Variants in AFF3 observed in about 807,000 individuals in gnomAD.
The protein encoded by AFF3 is ALF transcription elongation factor 3.
A neutral mutation model predicts 129.7 loss-of-function variants in AFF3; 32 were observed. That is an observed-to-expected ratio of 0.25 (90% confidence interval 0.19 to 0.33). The LOEUF is 0.33. Among genes scored for constraint, AFF3 ranks in the 10% least tolerant of loss-of-function variants. The pLI, the probability that AFF3 is intolerant of heterozygous loss-of-function variation, is 1.00. For synonymous variants in AFF3, 644 were observed against 635.4 expected (o/e 1.01, Z -0.20); for missense variants, 1,373 against 1,592.0 (o/e 0.86, Z 2.34).
chr2:99,836,309 A>G (rs1219641752), intron 8 of AFF3, among the ~76,000 whole-genome samples: 1 of 152,222 alleles, frequency 6.6e-6, no homozygotes, highest in Non-Finnish European at 1.5e-5. Flanking sequence ...AAATAGGAAA[A>G]GTTATATCAG....
At chr2:99,618,438 G>A (rs186730747) in intron 13 of AFF3, among the ~76,000 whole-genome samples, 165 of 151,988 alleles carry the variant, frequency 1.1e-3, no homozygotes, top group Non-Finnish European at 1.9e-3. Context: ...GTTTTGCCAT[G>A]TTGGCCAGGC....
intron 4 of AFF3, among the ~76,000 whole-genome samples, chr2:100,096,232 C>T (rs1690280018): frequency 1.3e-5 from 2 of 151,990 alleles, no homozygotes; most frequent in Non-Finnish European, 2.9e-5. Flanking sequence ...TCTCAGCATT[C>T]GAGCCCGATA....
At chr2:99,902,430 C>T (rs1694411297) in intron 7 of AFF3, among the ~76,000 whole-genome samples, 1 of 152,156 alleles carries the variant, frequency 6.6e-6, no homozygotes, top group African/African-American at 2.4e-5. Context: ...GCACTCACTA[C>T]ATGCTTGGGC....
chr2:99,843,048 T>C (rs1689439633), intron 7 of AFF3, among the ~76,000 whole-genome samples: 1 of 152,220 alleles, frequency 6.6e-6, no homozygotes, highest in Non-Finnish European at 1.5e-5. Flanking sequence ...CCATGTACAC[T>C]CTTAAACACT....
chr2:99,985,798 T>A (rs1447669151), intron 7 of AFF3, among the ~76,000 whole-genome samples: 1 of 152,160 alleles, frequency 6.6e-6, no homozygotes, highest in Non-Finnish European at 1.5e-5. Flanking sequence ...CTCCATTTCT[T>A]CACCTGAGTG....
chr2:99,574,683 CA>C (rs1214245313), intron 18 of AFF3, among the ~76,000 whole-genome samples: 1 of 152,152 alleles, frequency 6.6e-6, no homozygotes, highest in Non-Finnish European at 1.5e-5. Flanking sequence ...ATTTATAATA[CA>C]AAGAGATGAG....
chr2:99,837,632 T>C, intron 7 of AFF3, 108 bp from the exon 8 acceptor site: 1 of 1,009,114 alleles, frequency 9.9e-7, no homozygotes, highest in Non-Finnish European at 1.5e-6. Context: ...TTCAGCGAGT[T>C]ACAGGTTGAG....
At chr2:99,567,319 C>T (rs993945643) in intron 19 of AFF3, among the ~76,000 whole-genome samples, 1 of 152,060 alleles carries the variant, frequency 6.6e-6, no homozygotes, top group Non-Finnish European at 1.5e-5. Flanking sequence ...CAGATGAAGT[C>T]ATTTCATTTA....
At chr2:99,657,349 T>C (rs1300104917) in intron 12 of AFF3, among the ~76,000 whole-genome samples, 2 of 152,336 alleles carry the variant, frequency 1.3e-5, no homozygotes, top group East Asian at 3.9e-4. Context: ...CTCCTCTCCA[T>C]GCACTCCTAG....
intron 8 of AFF3, among the ~76,000 whole-genome samples, chr2:99,782,130 T>C (rs1252240737): frequency 6.6e-6 from 1 of 152,188 alleles, no homozygotes; most frequent in East Asian, 1.9e-4. Flanking sequence ...TTCAGGCCAA[T>C]GTTTTGATTT....
At chr2:99,894,707 C>T (rs947292845) in intron 7 of AFF3, among the ~76,000 whole-genome samples, 2 of 151,982 alleles carry the variant, frequency 1.3e-5, no homozygotes, top group African/African-American at 2.4e-5. Context: ...GATCTCCTGA[C>T]CTCGTGATCC....
chr2:99,597,344 T>C lies in AFF3; in HGVS notation c.1372-3055A>G, dbSNP rs193187982. ...CAAGAACACTCCAAACAGTACTTGT[T>C]GCCCTCTGTTATACTCAATTGCGTT... is the stretch of plus-strand genomic sequence containing the variant. On this transcript the variant is annotated intron_variant, in intron 14 of 24. Coordinates refer to ENST00000672756, the MANE Select transcript of AFF3 (RefSeq NM_001386135.1). Among the ~76,000 whole-genome samples the C allele has an allele frequency of 5.2e-3, 786 of 152,386 alleles. 2 individuals are homozygous for C. Among genetic ancestry groups the C allele is most frequent in the Non-Finnish European group, 9.1e-3 (620 of 68,040 alleles).
intron 8 of AFF3, among the ~76,000 whole-genome samples, chr2:99,778,237 T>C (rs1453167320): frequency 2.0e-5 from 3 of 152,128 alleles, no homozygotes. Flanking sequence ...CTCCTCCTTC[T>C]CCTTCTCATC....
chr2:99,949,616 C>A (rs942985117), intron 7 of AFF3, among the ~76,000 whole-genome samples: 2 of 151,870 alleles, frequency 1.3e-5, no homozygotes, highest in Non-Finnish European at 2.9e-5. Context: ...GCATTAGATT[C>A]CCATAAGGAG....
intron 4 of AFF3, among the ~76,000 whole-genome samples, chr2:100,037,991 A>T (rs949684143): frequency 4.0e-5 from 6 of 151,272 alleles, no homozygotes; most frequent in African/African-American, 1.5e-4. Context: ...ATCTCTGCAG[A>T]CTCTGAAATG....
rs561907385 is a variant in AFF3, at chr2:99,649,601, A to T, written c.1184+25T>A. The stretch of plus-strand genomic sequence containing the variant: ...CTCAATGTTTCATAAAGCAATTTAT[A>T]GTTCATAAAAATGACAAAATGTACC... On this transcript the variant is annotated intron_variant, in intron 13 of 24. Transcript: ENST00000672756. 2.5e-6 allele frequency: 4 copies of T among 1,611,200 alleles called. No individual in the cohort carries two copies. In the East Asian group the frequency reaches 8.9e-5, roughly 36 times the overall value.
rs189583423 is a variant in AFF3 at position 99,784,956 on chromosome 2, C to T, written c.922-32655G>A. Among the ~76,000 whole-genome samples the T allele has an allele frequency of 2.4e-4, 37 of 152,302 alleles. 1 individual carries two copies. The highest frequency in any genetic ancestry group is 1.7e-3 in the South Asian group (8 of 4,822). On this transcript the variant is annotated intron_variant, in intron 8 of 24. Transcript: ENST00000672756. ...CTTTGCTACCGTGGCTGGCGTGTTC[C>T]CTCACTCCTTAACTCCAGCTCTGCA... is the stretch of plus-strand genomic sequence containing the variant.
intron 7 of AFF3, among the ~76,000 whole-genome samples, chr2:99,989,656 TA>T (rs938002679): frequency 6.6e-6 from 1 of 152,132 alleles, no homozygotes; most frequent in African/African-American, 2.4e-5. Flanking sequence ...ATGATTTTTT[TA>T]AAAAAAGAAA....
chr2:99,575,139 G>A (rs1676861933), intron 18 of AFF3, among the ~76,000 whole-genome samples: 1 of 152,170 alleles, frequency 6.6e-6, no homozygotes, highest in Admixed American at 6.5e-5. Flanking sequence ...CTTAGTAAGT[G>A]CTCCATATGT....
Sources: gnomAD v4.1 joint callset for allele counts (sites outside exome capture counted in the v4.1 genomes callset) on GRCh38, gnomAD v4.1.1 for gene constraint, MANE v1.5 for transcripts, NCBI Gene and HGNC (gene_info 2026-07-23, HGNC 2026-07-21) for gene names.